Variants in RNLS observed in about 807,000 individuals in gnomAD.
RNLS encodes renalase, FAD dependent amine oxidase.
Under a neutral mutation model 39.8 loss-of-function variants are expected in RNLS, and 39 were observed. The ratio of observed to expected loss-of-function variants is 0.98; its 90% CI spans 0.76 to 1.28. The LOEUF (loss-of-function observed/expected upper bound fraction) is 1.28, where lower values mean the gene tolerates loss of function less well. Among genes scored for constraint, RNLS ranks in the 50% most tolerant of loss-of-function variants. The probability of loss-of-function intolerance (pLI) is 0.00; values close to 1 mark genes in which losing one functional copy is unlikely to be tolerated. For missense variants in RNLS, 410 were observed against 413.3 expected (o/e 0.99, Z 0.07); for synonymous variants, 147 against 150.7 (o/e 0.98, Z 0.18).
chr10:88,277,020 T>G (rs753738887), intron 6 of RNLS, among the ~76,000 whole-genome samples: 2 of 152,184 alleles, frequency 1.3e-5, no homozygotes, highest in Non-Finnish European at 2.9e-5. Flanking sequence ...TAAAGACACA[T>G]GCACACGTAT....
chr10:88,383,249 C>G (rs572314453), intron 4 of RNLS, among the ~76,000 whole-genome samples: 1 of 151,920 alleles, frequency 6.6e-6, no homozygotes, highest in Non-Finnish European at 1.5e-5. Context: ...GAGCTCAGGG[C>G]CAAGATTGAA....
intron 4 of RNLS, among the ~76,000 whole-genome samples, chr10:88,486,955 C>A (rs1374590828): frequency 1.4e-5 from 2 of 147,352 alleles, no homozygotes; most frequent in African/African-American, 2.5e-5. Flanking sequence ...AACATTTAAC[C>A]TAAATGCTCA....
chr10:88,359,885 T>C (rs1402170151), intron 5 of RNLS, among the ~76,000 whole-genome samples: 1 of 152,234 alleles, frequency 6.6e-6, no homozygotes, highest in Non-Finnish European at 1.5e-5. Context: ...TGCTATTTCT[T>C]TCCTTCCTGT....
intron 4 of RNLS, among the ~76,000 whole-genome samples, chr10:88,533,464 T>G (rs775172446): frequency 2.0e-5 from 3 of 152,172 alleles, no homozygotes; most frequent in Non-Finnish European, 4.4e-5. Flanking sequence ...TGATTTGACC[T>G]TAAAGGTCAG....
the RNLS span, among the ~76,000 whole-genome samples, chr10:88,214,510 A>C: frequency 4.0e-4 from 60 of 150,660 alleles, no homozygotes; most frequent in Non-Finnish European, 8.9e-5. Context: ...AAAAAAAAAA[A>C]AAAAAAAAAA....
intron 4 of RNLS, among the ~76,000 whole-genome samples, chr10:88,545,200 C>T (rs1038379890): frequency 6.6e-6 from 1 of 152,116 alleles, no homozygotes; most frequent in African/African-American, 2.4e-5. Flanking sequence ...TAGTAAACTA[C>T]TAAGATTTTC....
chr10:88,236,697 A>C, the RNLS span, among the ~76,000 whole-genome samples: 1 of 152,186 alleles, frequency 6.6e-6, no homozygotes, highest in Non-Finnish European at 1.5e-5. Context: ...TCATTTATTG[A>C]ACAAATAGGT....
At chr10:88,539,573 C>G (rs181386994) in intron 4 of RNLS, among the ~76,000 whole-genome samples, 13 of 152,226 alleles carry the variant, frequency 8.5e-5, no homozygotes, top group African/African-American at 2.4e-5. Flanking sequence ...AGCAAGGATG[C>G]TACCTATTTT....
intron 4 of RNLS, among the ~76,000 whole-genome samples, chr10:88,528,579 C>T (rs1847241280): frequency 6.6e-6 from 1 of 152,130 alleles, no homozygotes. Context: ...CATGGTGGCT[C>T]ACTCCTCTGT....
the RNLS span, among the ~76,000 whole-genome samples, chr10:88,251,090 G>A: frequency 6.6e-6 from 1 of 152,122 alleles, no homozygotes; most frequent in East Asian, 1.9e-4. Flanking sequence ...CATATTCAGA[G>A]GGAATACAGA....
intron 5 of RNLS, among the ~76,000 whole-genome samples, chr10:88,340,513 C>T (rs1179704261): frequency 6.6e-6 from 1 of 151,794 alleles, no homozygotes; most frequent in Non-Finnish European, 1.5e-5. Context: ...TTTTTACATT[C>T]CTGTAAGTGT....
the RNLS span, among the ~76,000 whole-genome samples, chr10:88,231,942 C>CTGTGTGTGTGTGTGTGTGTGTG: frequency 0.043 from 6,412 of 149,598 alleles, 159 homozygotes; most frequent in Middle Eastern, 0.09. Flanking sequence ...CACAGGATTT[C>CTGTGTGTGTGTGTGTGTGTGTG]TGTGTGTGTG....
At chr10:88,221,116 C>G in the RNLS span, among the ~76,000 whole-genome samples, 1 of 152,328 alleles carries the variant, frequency 6.6e-6, no homozygotes, top group African/African-American at 2.4e-5. Context: ...GCATGCCCTC[C>G]TTTCTTCCTC....
At chr10:88,343,635 AATT>A in intron 5 of RNLS, 3 of 985,392 alleles carry the variant, frequency 3.0e-6, no homozygotes, top group Non-Finnish European at 3.6e-6. Flanking sequence ...TTCCTTTAAA[AATT>A]CCATAGATTC....
chr10:88,481,271 C>T (rs1452507577), intron 4 of RNLS, among the ~76,000 whole-genome samples: 2 of 152,256 alleles, frequency 1.3e-5, no homozygotes, highest in South Asian at 4.2e-4. Context: ...AGTTTGTCAA[C>T]CTCTGTCTTC....
chr10:88,308,725 A>G (rs922495381), intron 6 of RNLS, among the ~76,000 whole-genome samples: 5 of 152,154 alleles, frequency 3.3e-5, no homozygotes, highest in Non-Finnish European at 1.5e-5. Flanking sequence ...TTCCTTAAAG[A>G]CCTAAAATCA....
chr10:88,477,499 C>A (rs1007765837), intron 4 of RNLS, among the ~76,000 whole-genome samples: 2 of 151,902 alleles, frequency 1.3e-5, no homozygotes, highest in African/African-American at 2.4e-5. Flanking sequence ...ACAACAGCAA[C>A]GCTGATGTAA....
At chr10:88,423,899 C>A (rs946675652) in intron 4 of RNLS, among the ~76,000 whole-genome samples, 2 of 152,188 alleles carry the variant, frequency 1.3e-5, no homozygotes, top group South Asian at 4.1e-4. Context: ...CAGCTTGGTG[C>A]AGTGTTGAAG....
intron 4 of RNLS, among the ~76,000 whole-genome samples, chr10:88,530,986 T>C (rs1847388678): frequency 6.6e-6 from 1 of 152,114 alleles, no homozygotes; most frequent in African/African-American, 2.4e-5. Flanking sequence ...ATTTCACTTC[T>C]TAATAAATAA....
Sources: allele counts gnomAD v4.1 joint callset (sites outside exome capture counted in the v4.1 genomes callset), GRCh38; gene constraint gnomAD v4.1.1; transcripts MANE v1.5; gene names NCBI Gene and HGNC (gene_info 2026-07-23, HGNC 2026-07-21).